Variants in NAA25 observed in about 807,000 individuals in gnomAD.
NAA25 encodes N-alpha-acetyltransferase 25, NatB auxiliary subunit.
A neutral mutation model predicts 132.5 loss-of-function variants in NAA25; 30 were observed. That is an observed-to-expected ratio of 0.23 (90% CI 0.17 to 0.31). NAA25 has a LOEUF of 0.31. NAA25 is among the 10% of genes least tolerant of loss of function. The pLI, the probability that NAA25 is intolerant of heterozygous loss-of-function variation, is 1.00. For synonymous variants in NAA25, 359 were observed against 401.9 expected (o/e 0.89, Z 1.28); for missense variants, 771 against 1,150.4 (o/e 0.67, Z 4.77).
chr12:112,053,092 G>A (rs1017343846), intron 15 of NAA25, among the ~76,000 whole-genome samples: 3 of 151,978 alleles, frequency 2.0e-5, no homozygotes, highest in East Asian at 1.9e-4. Flanking sequence ...TAGGTTTCTC[G>A]GAATGCCTTT....
chr12:112,067,165 C>T (rs1232673583), intron 11 of NAA25, among the ~76,000 whole-genome samples: 1 of 152,060 alleles, frequency 6.6e-6, no homozygotes, highest in African/African-American at 2.4e-5. Context: ...CGCCAACACA[C>T]TCCAGCCTGG....
chr12:112,090,713 G>A lies in NAA25; in HGVS notation c.283+13C>T, dbSNP rs1195353109. ...AGCTCAAGTTTAAAAACAATGAAAA[G>A]AAAGAAACATACGTCGGTGCATCTC... On this transcript the variant is annotated intron_variant, in intron 3 of 23. Transcript: ENST00000261745. The A allele has an allele frequency of 6.3e-7, 1 of 1,595,838 alleles. No homozygotes were observed. The highest frequency in any genetic ancestry group is 8.5e-7 in the Non-Finnish European group (1 of 1,175,358).
intron 18 of NAA25, 28 bp downstream of exon 18, chr12:112,043,597 T>G: frequency 6.2e-7 from 1 of 1,608,156 alleles, no homozygotes; most frequent in Non-Finnish European, 8.5e-7. Context: ...TTATTGCAAC[T>G]TTGATGGTAA....
chr12:112,066,992 C>T (rs1267288420), intron 11 of NAA25, among the ~76,000 whole-genome samples: 1 of 152,132 alleles, frequency 6.6e-6, no homozygotes, highest in Non-Finnish European at 1.5e-5. Context: ...TATAGAAAGA[C>T]TTCCAATCTT....
intron 9 of NAA25, among the ~76,000 whole-genome samples, chr12:112,073,261 T>TACACAC (rs34053629): frequency 2.2e-4 from 32 of 148,660 alleles, no homozygotes; most frequent in African/African-American, 6.2e-4. Context: ...AAAAATTAAA[T>TACACAC]ACACACACAC....
At chr12:112,043,036 T>C in intron 19 of NAA25, 52 bp downstream of exon 19, 1 of 1,499,646 alleles carries the variant, frequency 6.7e-7, no homozygotes, top group Non-Finnish European at 9.0e-7. Context: ...TTTTATTACG[T>C]GTACTACATT....
rs758091499 is a variant in NAA25 at position 112,042,021 on chromosome 12, T to C, written c.2440+18A>G. 1.4e-6 allele frequency: 2 copies of C among 1,404,858 alleles called. No individual in the cohort carries two copies. The highest frequency in any genetic ancestry group is 2.8e-5 in the South Asian group (2 of 71,080). The allele number at this position is 1,404,858 out of a possible 1,614,324, so 87.0% of individuals were successfully genotyped here. ...ACAACCAGATACAAATACAGGAATC[T>C]ACAGTAGGAAAACTTACCTTTTAAC... is the stretch of plus-strand genomic sequence containing the variant. On this transcript the variant is annotated intron_variant, in intron 20 of 23. Coordinates refer to ENST00000261745, the MANE Select transcript of NAA25 (RefSeq NM_024953.4).
At chr12:112,102,848 G>A (rs962916716) in intron 1 of NAA25, among the ~76,000 whole-genome samples, 9 of 152,072 alleles carry the variant, frequency 5.9e-5, no homozygotes, top group Middle Eastern at 3.4e-3. Context: ...TACCACACCC[G>A]GCTAATTTTT....
At chr12:112,090,981 T>C (rs2079119773) in intron 2 of NAA25, 117 bp from the exon 3 acceptor site, 8 of 1,012,348 alleles carry the variant, frequency 7.9e-6, no homozygotes, top group Non-Finnish European at 1.1e-5. Flanking sequence ...GATATACTAG[T>C]TTCAGGCTGG....
At chr12:112,045,486 C>CAAAAA (rs75644384) in intron 17 of NAA25, among the ~76,000 whole-genome samples, 5 of 80,526 alleles carry the variant, frequency 6.2e-5, no homozygotes, top group Non-Finnish European at 9.7e-5. Context: ...GACTCCATCA[C>CAAAAA]AAAAAAAAAA....
intron 9 of NAA25, among the ~76,000 whole-genome samples, chr12:112,074,413 G>A (rs2078865516): frequency 6.6e-6 from 1 of 150,596 alleles, no homozygotes; most frequent in African/African-American, 2.4e-5. Flanking sequence ...TAAATCTCAC[G>A]GAAAGGCACC....
chr12:112,055,263 G>A (rs4766764), intron 13 of NAA25, among the ~76,000 whole-genome samples: 32,310 of 152,020 alleles, frequency 0.21, 5,554 homozygotes, highest in East Asian at 0.85. Context: ...ACTACTTGAC[G>A]TTAATGAAGA....
chr12:112,087,029 A>C (rs1357788055), intron 4 of NAA25, among the ~76,000 whole-genome samples: 1 of 151,694 alleles, frequency 6.6e-6, no homozygotes, highest in East Asian at 1.9e-4. Flanking sequence ...AAAAAAAAAA[A>C]ATACTAGCTT....
chr12:112,050,881 T>C (rs966372610), intron 15 of NAA25, among the ~76,000 whole-genome samples: 5 of 152,152 alleles, frequency 3.3e-5, no homozygotes, highest in African/African-American at 7.2e-5. Context: ...TTCAATCCCA[T>C]AGCACAAAAC....
intron 1 of NAA25, among the ~76,000 whole-genome samples, chr12:112,099,808 G>C (rs756773748): frequency 2.0e-5 from 3 of 152,138 alleles, no homozygotes; most frequent in Non-Finnish European, 4.4e-5. Flanking sequence ...CAAATAAAAA[G>C]GAAAGTTTTT....
chr12:112,086,450 G>A (rs769423852), intron 4 of NAA25, among the ~76,000 whole-genome samples: 8 of 151,628 alleles, frequency 5.3e-5, no homozygotes, highest in African/African-American at 1.9e-4. Flanking sequence ...AGCCGAGATC[G>A]TGCCACTGCA....
chr12:112,040,710 T>C, intron 20 of NAA25, 132 bp from the exon 21 acceptor site: 1 of 588,160 alleles, frequency 1.7e-6, no homozygotes, highest in Non-Finnish European at 2.9e-6. Context: ...TTTTCCATAA[T>C]GAACCAAACT....
chr12:112,097,845 C>A (rs893968264), intron 1 of NAA25, among the ~76,000 whole-genome samples: 1 of 151,902 alleles, frequency 6.6e-6, no homozygotes, highest in African/African-American at 2.4e-5. Flanking sequence ...CGAGCAGACC[C>A]GGCGGCTCAT....
intron 1 of NAA25, among the ~76,000 whole-genome samples, chr12:112,107,194 A>G (rs976659606): frequency 1.3e-5 from 2 of 152,114 alleles, no homozygotes; most frequent in Admixed American, 6.6e-5. Flanking sequence ...TGGGAGGCAG[A>G]GGGTGCAGTG....
Sources: allele counts gnomAD v4.1 joint callset (sites outside exome capture counted in the v4.1 genomes callset), GRCh38; gene constraint gnomAD v4.1.1; transcripts MANE v1.5; gene names NCBI Gene and HGNC (gene_info 2026-07-23, HGNC 2026-07-21).